GMEB2: variants seen among roughly 807,000 people sequenced by gnomAD.
The protein encoded by GMEB2 is glucocorticoid modulatory element-binding protein 2.
GMEB2 carries 7 observed loss-of-function variants against 45.7 expected under a neutral mutation model. The ratio of observed to expected loss-of-function variants is 0.15; its 90% CI spans 0.09 to 0.29. The LOEUF (loss-of-function observed/expected upper bound fraction) is 0.29. GMEB2 is among the 10% of genes least tolerant of loss of function. GMEB2 has a pLI of 1.00. For synonymous variants in GMEB2, 322 were observed against 323.6 expected (o/e 1.00, Z 0.05); for missense variants, 582 against 739.2 (o/e 0.79, Z 2.47).
chr20:63,598,756 T>C (rs929374771), intron 4 of GMEB2, among the ~76,000 whole-genome samples: 17 of 152,122 alleles, frequency 1.1e-4, no homozygotes, highest in South Asian at 2.1e-4. Flanking sequence ...GGAGATCCCA[T>C]AGAAGTCCAG....
At chr20:63,596,782 C>A (rs961636431) in intron 5 of GMEB2, among the ~76,000 whole-genome samples, 2 of 152,222 alleles carry the variant, frequency 1.3e-5, no homozygotes, top group East Asian at 3.8e-4. Context: ...CTTTGGGAGG[C>A]TGAGGCAGGT....
At chr20:63,625,253 G>T (rs1356556672) in intron 1 of GMEB2, among the ~76,000 whole-genome samples, 1 of 151,776 alleles carries the variant, frequency 6.6e-6, no homozygotes, top group Admixed American at 6.6e-5. Flanking sequence ...TTGGCTCACT[G>T]CAACCTCCGC....
Position 63,590,616 on chromosome 20 carries a change from C to T in GMEB2, c.1066G>A (p.Val356Met), listed in dbSNP as rs138721927. 3.1e-6 allele frequency: 5 copies of T among 1,590,736 alleles called. No homozygotes were observed. The highest frequency in any genetic ancestry group is 4.3e-6 in the Non-Finnish European group (5 of 1,167,250). The change falls in exon 10 of 10, where the codon GTG becomes ATG. Residue 356 changes from valine (V) to methionine (M), a missense_variant. By Grantham distance (21) the Val-to-Met change is conservative (BLOSUM62 1). Around this residue, in one of 3 missense-constraint regions of GMEB2, gnomAD observed 462 missense variants for 586.7 expected, o/e 0.79. Coordinates refer to ENST00000370077, the MANE Select transcript of GMEB2 (RefSeq NM_012384.5). ...GCACGTGCAAGCCGGGGCCGCTTCA[C>T]AGGCGGTGGCAGGGAGACCGGCGTC... ...TLTPVSLPPP[V>M]KRPRLARATS...
intron 4 of GMEB2, 111 bp from the exon 5 acceptor site, chr20:63,597,971 C>T: frequency 1.4e-6 from 1 of 715,320 alleles, no homozygotes; most frequent in Non-Finnish European, 2.6e-6. Flanking sequence ...AGCGCCACGG[C>T]ACGGCTCTGA....
At chr20:63,613,088 A>C (rs1056100730) in intron 2 of GMEB2, among the ~76,000 whole-genome samples, 2 of 151,982 alleles carry the variant, frequency 1.3e-5, no homozygotes, top group African/African-American at 4.8e-5. Flanking sequence ...CAGCCTCCTG[A>C]GTAACTGGGA....
chr20:63,615,535 C>T (rs1187982460), intron 2 of GMEB2, among the ~76,000 whole-genome samples: 1 of 151,986 alleles, frequency 6.6e-6, no homozygotes. Flanking sequence ...CTATGTTGCT[C>T]GGGCTGGTCT....
chr20:63,599,393 A>G (rs1276570463), intron 4 of GMEB2, among the ~76,000 whole-genome samples: 1 of 152,218 alleles, frequency 6.6e-6, no homozygotes, highest in Non-Finnish European at 1.5e-5. Flanking sequence ...TTCCATCTGG[A>G]GGCCTCCTAT....
chr20:63,597,613 G>C, intron 5 of GMEB2, 144 bp downstream of exon 5: 1 of 616,038 alleles, frequency 1.6e-6, no homozygotes, highest in Non-Finnish European at 2.9e-6. Flanking sequence ...TTGGGTGTGA[G>C]CAGGTGCAGC....
rs762878578 is a variant in GMEB2, at chr20:63,604,731, A to G, written c.229+12T>C. The G allele has an allele frequency of 1.3e-6, 2 of 1,514,538 alleles. No homozygotes were observed. Among genetic ancestry groups the G allele is most frequent in the Admixed American group, 1.7e-5 (1 of 59,888 alleles). 93.8% of individuals were successfully genotyped at this position (1,514,538 alleles called of 1,614,324 possible). A position where few individuals can be genotyped will look rare whatever the true frequency, so the allele number is the denominator to read the frequency against. On this transcript the variant is annotated intron_variant, in intron 3 of 9. Coordinates refer to ENST00000370077, the MANE Select transcript of GMEB2 (RefSeq NM_012384.5). ...CAAGAAGGCAGACTTCCCACCTAGGACGGCTTCCTACCTAACACGGCTTCC... is the reference window on the plus strand; with the variant it reads ...CAAGAAGGCAGACTTCCCACCTAGGGCGGCTTCCTACCTAACACGGCTTCC...
intron 4 of GMEB2, among the ~76,000 whole-genome samples, chr20:63,598,577 A>C (rs571192999): frequency 6.6e-6 from 1 of 152,304 alleles, no homozygotes; most frequent in East Asian, 1.9e-4. Flanking sequence ...AGCTGGACCC[A>C]GGAGGCCCGA....
chr20:63,614,945 G>A (rs144232075), intron 2 of GMEB2, among the ~76,000 whole-genome samples: 115 of 152,162 alleles, frequency 7.6e-4, no homozygotes, highest in Admixed American at 2.2e-3. Flanking sequence ...ATTCGGGGCC[G>A]CTACCAGTCT....
chr20:63,624,457 A>T (rs1167652573), intron 1 of GMEB2, among the ~76,000 whole-genome samples: 1 of 152,074 alleles, frequency 6.6e-6, no homozygotes, highest in African/African-American at 2.4e-5. Context: ...ATTAAAAAAT[A>T]AAAATTTCAT....
intron 4 of GMEB2, among the ~76,000 whole-genome samples, chr20:63,601,533 TTTTC>T (rs1054698210): frequency 2.6e-5 from 3 of 114,440 alleles, no homozygotes; most frequent in African/African-American, 5.9e-5. Flanking sequence ...TCATGCTCTC[TTTTC>T]TTTTTTTTTT....
intron 4 of GMEB2, 48 bp downstream of exon 4, chr20:63,602,915 CAG>C: frequency 6.4e-7 from 1 of 1,571,448 alleles, no homozygotes; most frequent in Non-Finnish European, 8.7e-7. Flanking sequence ...AAAGCAGTCA[CAG>C]ACACCATGAG....
intron 2 of GMEB2, among the ~76,000 whole-genome samples, chr20:63,617,312 TTCTC>T (rs1384642046): frequency 2.0e-5 from 3 of 152,064 alleles, no homozygotes; most frequent in South Asian, 2.1e-4. Context: ...AGAAAGATCT[TTCTC>T]TCTCCCTCCC....
At position 63,614,034 on chromosome 20, in the gene GMEB2, C is replaced by A. The variant is rs184404931; in HGVS notation, c.131+5233G>T. 3.6e-3 allele frequency among the ~76,000 whole-genome samples: 543 copies of A among 152,218 alleles called. 3 individuals are homozygous for A. The highest frequency in any genetic ancestry group is 6.2e-3 in the Non-Finnish European group (423 of 68,000). On this transcript the variant is annotated intron_variant, in intron 2 of 9. Coordinates refer to ENST00000370077, the MANE Select transcript of GMEB2 (RefSeq NM_012384.5). ...TGAAGGCCGCCCTGCATTTGTCAGACTGGGCAACACCCACTCCATCAGATG... is the reference window on the plus strand; with the variant it reads ...TGAAGGCCGCCCTGCATTTGTCAGAATGGGCAACACCCACTCCATCAGATG...
At chr20:63,610,564 T>C (rs2089561750) in intron 2 of GMEB2, among the ~76,000 whole-genome samples, 3 of 151,474 alleles carry the variant, frequency 2.0e-5, no homozygotes, top group Admixed American at 2.0e-4. Flanking sequence ...CAAGAGGAAG[T>C]CTCAATTTCC....
At chr20:63,602,887 C>A in intron 4 of GMEB2, 78 bp downstream of exon 4, 1 of 1,353,406 alleles carries the variant, frequency 7.4e-7, no homozygotes, top group South Asian at 1.3e-5. Context: ...AGGATGCACT[C>A]AGCACAGCTG....
chr20:63,598,343 G>GACACACAC (rs67747559), intron 4 of GMEB2, among the ~76,000 whole-genome samples: 33,524 of 145,912 alleles, frequency 0.23, 4,084 homozygotes, highest in Middle Eastern at 0.28. Flanking sequence ...CTCTCACTCT[G>GACACACAC]ACACACACAC....
Sources: gnomAD v4.1 joint callset for allele counts (sites outside exome capture counted in the v4.1 genomes callset) on GRCh38, gnomAD v4.1.1 for gene constraint, gnomAD v4.1.1 regional missense constraint, MANE v1.5 for transcripts, NCBI Gene and HGNC (gene_info 2026-07-23, HGNC 2026-07-21) for gene names.